Variants in RABGAP1L observed in about 807,000 individuals in gnomAD.
The protein encoded by RABGAP1L is RAB GTPase activating protein 1 like.
In RABGAP1L, 63 loss-of-function variants were observed where a neutral mutation model predicts 137.7. The observed-to-expected ratio is 0.46, with a 90% confidence interval of 0.37 to 0.56. The LOEUF (loss-of-function observed/expected upper bound fraction) is 0.56. Among genes scored for constraint, RABGAP1L ranks in the 20% least tolerant of loss-of-function variants. The pLI is 0.00. For synonymous variants in RABGAP1L, 431 were observed against 433.7 expected (o/e 0.99, Z 0.08); for missense variants, 1,095 against 1,244.0 (o/e 0.88, Z 1.80).
chr1:174,272,083 G>A (rs1282887651), intron 7 of RABGAP1L, among the ~76,000 whole-genome samples: 4 of 151,710 alleles, frequency 2.6e-5, no homozygotes, highest in African/African-American at 7.2e-5. Flanking sequence ...ATAAGTCTAA[G>A]GCAAATAAAA....
At chr1:174,322,375 A>T (rs573186268) in intron 11 of RABGAP1L, among the ~76,000 whole-genome samples, 2 of 152,148 alleles carry the variant, frequency 1.3e-5, no homozygotes, top group African/African-American at 4.8e-5. Flanking sequence ...AGACTTTCTC[A>T]TGAAGAATCA....
chr1:174,347,962 C>A (rs1448329591), intron 11 of RABGAP1L, among the ~76,000 whole-genome samples: 1 of 152,062 alleles, frequency 6.6e-6, no homozygotes, highest in Non-Finnish European at 1.5e-5. Context: ...ATCCATTTAG[C>A]CACTCTATGT....
intron 13 of RABGAP1L, among the ~76,000 whole-genome samples, chr1:174,603,027 T>C (rs1670529836): frequency 6.6e-6 from 1 of 152,138 alleles, no homozygotes; most frequent in African/African-American, 2.4e-5. Flanking sequence ...AGTCTGGACA[T>C]TGAAGAGTTA....
At chr1:174,548,744 AT>A (rs1441793949) in intron 13 of RABGAP1L, among the ~76,000 whole-genome samples, 1 of 152,106 alleles carries the variant, frequency 6.6e-6, no homozygotes, top group Non-Finnish European at 1.5e-5. Context: ...CACTTTCCTG[AT>A]TTTTAAGTTT....
intron 13 of RABGAP1L, among the ~76,000 whole-genome samples, chr1:174,523,558 A>G (rs995554739): frequency 6.6e-6 from 1 of 152,244 alleles, no homozygotes; most frequent in Admixed American, 6.5e-5. Context: ...TTTTACATGC[A>G]TAAAATGTGT....
intron 13 of RABGAP1L, among the ~76,000 whole-genome samples, chr1:174,535,717 T>G (rs1244687900): frequency 6.6e-6 from 1 of 152,152 alleles, no homozygotes; most frequent in Non-Finnish European, 1.5e-5. Context: ...CCTAAAAGAT[T>G]AATAATTCCA....
intron 13 of RABGAP1L, among the ~76,000 whole-genome samples, chr1:174,617,601 C>T (rs1672009819): frequency 6.6e-6 from 1 of 152,154 alleles, no homozygotes; most frequent in Non-Finnish European, 1.5e-5. Context: ...TGGAAATGTG[C>T]TGTTATAAAA....
chr1:174,327,006 C>T (rs1418053039), intron 11 of RABGAP1L, among the ~76,000 whole-genome samples: 1 of 151,978 alleles, frequency 6.6e-6, no homozygotes, highest in Non-Finnish European at 1.5e-5. Context: ...AAGGCATTCT[C>T]AAACAAAAGC....
intron 17 of RABGAP1L, among the ~76,000 whole-genome samples, chr1:174,736,062 T>C (rs1427160423): frequency 6.6e-6 from 1 of 152,200 alleles, no homozygotes; most frequent in Non-Finnish European, 1.5e-5. Flanking sequence ...CTTCTCACAC[T>C]GTAAAATCCA....
At chr1:174,755,040 C>T (rs1401012840) in intron 18 of RABGAP1L, among the ~76,000 whole-genome samples, 3 of 151,972 alleles carry the variant, frequency 2.0e-5, no homozygotes, top group Non-Finnish European at 4.4e-5. Flanking sequence ...TTCCCCCAGC[C>T]CCTAGTTGAT....
At chr1:174,618,972 C>T (rs534497626) in intron 13 of RABGAP1L, among the ~76,000 whole-genome samples, 14 of 152,308 alleles carry the variant, frequency 9.2e-5, no homozygotes, top group African/African-American at 2.9e-4. Flanking sequence ...AAAACGAAGA[C>T]ATGAGAACTA....
intron 17 of RABGAP1L, among the ~76,000 whole-genome samples, chr1:174,718,922 C>T (rs560681910): frequency 2.1e-4 from 31 of 150,648 alleles, no homozygotes; most frequent in African/African-American, 7.0e-4. Context: ...TCACCACAAC[C>T]TCTGCTTCCC....
At chr1:174,327,986 CATATAT>C (rs3057021) in intron 11 of RABGAP1L, among the ~76,000 whole-genome samples, 5,206 of 53,490 alleles carry the variant, frequency 0.097, 285 homozygotes, top group Non-Finnish European at 0.11. Context: ...TATACACACA[CATATAT>C]ATATATATAT....
At chr1:174,913,587 A>G (rs935163518) in intron 19 of RABGAP1L, among the ~76,000 whole-genome samples, 1 of 152,208 alleles carries the variant, frequency 6.6e-6, no homozygotes, top group African/African-American at 2.4e-5. Context: ...ATAGTAGAGA[A>G]AAGGGCAGTG....
chr1:174,867,847 G>A (rs191328024), intron 19 of RABGAP1L, among the ~76,000 whole-genome samples: 28 of 152,314 alleles, frequency 1.8e-4, no homozygotes, highest in Admixed American at 1.4e-3. Flanking sequence ...GTTTCACCAT[G>A]TTGTTCAGGC....
chr1:174,651,169 T>A (rs1474956890), intron 14 of RABGAP1L, among the ~76,000 whole-genome samples: 1 of 151,994 alleles, frequency 6.6e-6, no homozygotes, highest in African/African-American at 2.4e-5. Context: ...TAATCCTGAG[T>A]TCTAGTTTGA....
intron 13 of RABGAP1L, among the ~76,000 whole-genome samples, chr1:174,465,753 TA>T (rs756658117): frequency 4.6e-5 from 7 of 152,208 alleles, no homozygotes; most frequent in Non-Finnish European, 7.4e-5. Context: ...GGTTTACAAA[TA>T]TCTCATCATT....
At chr1:174,660,575 G>A (rs559970950) in intron 14 of RABGAP1L, among the ~76,000 whole-genome samples, 2 of 152,154 alleles carry the variant, frequency 1.3e-5, no homozygotes, top group South Asian at 4.1e-4. Context: ...TTTTCATTTA[G>A]TATTAAAGCC....
At chr1:174,492,625 C>T (rs893772860) in intron 13 of RABGAP1L, among the ~76,000 whole-genome samples, 3 of 152,158 alleles carry the variant, frequency 2.0e-5, no homozygotes, top group African/African-American at 4.8e-5. Flanking sequence ...GCTAGGATTA[C>T]AGGCATGAGC....
Sources: gnomAD v4.1 joint callset for allele counts (sites outside exome capture counted in the v4.1 genomes callset) on GRCh38, gnomAD v4.1.1 for gene constraint, MANE v1.5 for transcripts, NCBI Gene and HGNC (gene_info 2026-07-23, HGNC 2026-07-21) for gene names.